Variants in MYO5B observed in about 807,000 individuals in gnomAD.
The protein encoded by MYO5B is unconventional myosin-Vb.
In MYO5B, 143 loss-of-function variants were observed where a neutral mutation model predicts 229.3. The observed-to-expected ratio is 0.62, with a 90% CI of 0.54 to 0.72. MYO5B has a LOEUF of 0.72. Ranked by LOEUF, MYO5B falls within the 30% of genes least tolerant of loss-of-function variation. MYO5B has a pLI of 0.00. For synonymous variants in MYO5B, 918 were observed against 885.2 expected (o/e 1.04, Z -0.66); for missense variants, 2,321 against 2,331.0 (o/e 1.00, Z 0.09).
In MYO5B at chr18:50,117,581, T is replaced by G. The variant is rs192887458; in HGVS notation, c.28-62203A>C. Among the ~76,000 whole-genome samples, 510 of 152,128 alleles carry G rather than the reference T, an allele frequency of 3.4e-3. 5 individuals are homozygous for G. Among genetic ancestry groups the G allele is most frequent in the African/African-American group, 0.012 (485 of 41,492 alleles). ...CTTGTAACTTACAAAATGGGAGAAT[T>G]AGAATACCTACTTGTTCCTTAAATG... is the stretch of plus-strand genomic sequence containing the variant. On this transcript the variant is annotated intron_variant, in intron 1 of 39. Coordinates refer to ENST00000285039, the MANE Select transcript of MYO5B (RefSeq NM_001080467.3).
intron 1 of MYO5B, among the ~76,000 whole-genome samples, chr18:50,172,632 A>C (rs2032936100): frequency 6.6e-6 from 1 of 152,224 alleles, no homozygotes; most frequent in Non-Finnish European, 1.5e-5. Flanking sequence ...TCACTCATTT[A>C]TTTTAAATAT....
At chr18:49,855,344 G>A (rs1039121037) in intron 30 of MYO5B, among the ~76,000 whole-genome samples, 1 of 152,166 alleles carries the variant, frequency 6.6e-6, no homozygotes, top group African/African-American at 2.4e-5. Flanking sequence ...AAAGAGCTTT[G>A]AGGCCACGAC....
chr18:49,996,356 T>C (rs774370586), intron 5 of MYO5B, among the ~76,000 whole-genome samples: 4 of 152,172 alleles, frequency 2.6e-5, no homozygotes, highest in Non-Finnish European at 5.9e-5. Context: ...ATAATTCAAG[T>C]AGGCAAGAAT....
chr18:49,927,127 T>C (rs139081298), intron 17 of MYO5B, among the ~76,000 whole-genome samples: 2 of 152,254 alleles, frequency 1.3e-5, no homozygotes, highest in East Asian at 3.9e-4. Context: ...TTAATACCAC[T>C]AAACTGTACA....
intron 14 of MYO5B, among the ~76,000 whole-genome samples, chr18:49,946,684 T>C (rs1041767589): frequency 3.6e-5 from 5 of 139,938 alleles, no homozygotes; most frequent in African/African-American, 1.4e-4. Context: ...ATCAACATAA[T>C]CAAGGTTTAG....
chr18:50,184,981 G>A (rs1281107156), intron 1 of MYO5B, among the ~76,000 whole-genome samples: 5 of 151,878 alleles, frequency 3.3e-5, no homozygotes, highest in African/African-American at 1.2e-4. Context: ...AGGCTGAGGT[G>A]GGAGGATTGC....
intron 4 of MYO5B, among the ~76,000 whole-genome samples, chr18:50,027,250 C>A (rs554685108): frequency 6.6e-6 from 1 of 152,224 alleles, no homozygotes; most frequent in Non-Finnish European, 1.5e-5. Flanking sequence ...ATTATTAATT[C>A]CAAAAGAAAT....
chr18:50,055,924 T>C (rs2030538502), intron 1 of MYO5B, among the ~76,000 whole-genome samples: 1 of 152,142 alleles, frequency 6.6e-6, no homozygotes, highest in African/African-American at 2.4e-5. Context: ...CTGTCCACTC[T>C]TTTTCTTTTT....
chr18:50,040,477 T>A (rs2029980797), intron 2 of MYO5B, among the ~76,000 whole-genome samples, 163 bp from the exon 3 acceptor site: 1 of 152,192 alleles, frequency 6.6e-6, no homozygotes, highest in South Asian at 2.1e-4. Context: ...TGTGTTGCCA[T>A]GAGAGACCAG....
At chr18:49,870,062 A>T (rs1017613964) in intron 27 of MYO5B, among the ~76,000 whole-genome samples, 1 of 152,194 alleles carries the variant, frequency 6.6e-6, no homozygotes, top group Admixed American at 6.5e-5. Flanking sequence ...GCAGGCATTT[A>T]TCCCACTGAA....
intron 1 of MYO5B, among the ~76,000 whole-genome samples, chr18:50,105,368 T>C (rs1261618148): frequency 6.6e-6 from 1 of 152,086 alleles, no homozygotes; most frequent in Non-Finnish European, 1.5e-5. Flanking sequence ...AGGATGTCAT[T>C]ACCATCTGGA....
intron 3 of MYO5B, among the ~76,000 whole-genome samples, chr18:50,039,308 G>A (rs955584377): frequency 6.6e-6 from 1 of 152,132 alleles, no homozygotes; most frequent in Admixed American, 6.5e-5. Context: ...ATATAGGAAA[G>A]GAGAAGTTTA....
chr18:49,852,147 T>C (rs1267103738), intron 31 of MYO5B, among the ~76,000 whole-genome samples: 5 of 152,244 alleles, frequency 3.3e-5, no homozygotes, highest in Non-Finnish European at 7.3e-5. Flanking sequence ...TTCCAGTCAC[T>C]AACTCTCCTA....
Position 49,978,706 on chromosome 18 carries a change from C to T in MYO5B, c.1056+1738G>A, listed in dbSNP as rs1598927335. Among the ~76,000 whole-genome samples, 3 of 32,276 alleles carry T rather than the reference C, an allele frequency of 9.3e-5. No individual in the cohort carries two copies. In the South Asian group the frequency reaches 3.5e-3, roughly 38 times the overall value. The allele number at this position is 32,276 out of a possible 152,430, so 21.2% of individuals were successfully genotyped here. A position where few individuals can be genotyped will look rare whatever the true frequency, so the allele number is the denominator to read the frequency against. ...AGGCAGCAAGTAATACACACACACACACACACACACACACACACACACACA... is the reference window on the plus strand; with the variant it reads ...AGGCAGCAAGTAATACACACACACATACACACACACACACACACACACACA... On this transcript the variant is annotated intron_variant, in intron 9 of 39. Coordinates refer to ENST00000285039, the MANE Select transcript of MYO5B (RefSeq NM_001080467.3).
chr18:50,135,266 G>T (rs1312331068), intron 1 of MYO5B, among the ~76,000 whole-genome samples: 1 of 152,184 alleles, frequency 6.6e-6, no homozygotes, highest in East Asian at 1.9e-4. Context: ...CTTCAAGAAA[G>T]CCTGCTTGCT....
intron 1 of MYO5B, among the ~76,000 whole-genome samples, chr18:50,160,557 G>C (rs2032750007): frequency 6.6e-6 from 1 of 152,160 alleles, no homozygotes; most frequent in Non-Finnish European, 1.5e-5. Flanking sequence ...TGTTCCTGGG[G>C]ACAAGCCACA....
Position 49,849,741 on chromosome 18 carries a change from G to A in MYO5B, c.4222-81C>T, listed in dbSNP as rs868451812. 24 of 1,096,978 alleles carry A rather than the reference G, an allele frequency of 2.2e-5. No individual in the cohort carries two copies. The African/African-American group carries it at 3.2e-4, about 15-fold the overall frequency. The allele number at this position is 1,096,978 out of a possible 1,614,324, so 68.0% of individuals were successfully genotyped here. On this transcript the variant is annotated intron_variant, in intron 31 of 39. Coordinates refer to ENST00000285039, the MANE Select transcript of MYO5B (RefSeq NM_001080467.3). Reference sequence around the variant, plus strand: ...GGGTAAAATCCTGCTTGCAGTTGGAGGTGACCAGTGCGGCCCATGGGCAGC... The same window carrying A: ...GGGTAAAATCCTGCTTGCAGTTGGAAGTGACCAGTGCGGCCCATGGGCAGC...
intron 1 of MYO5B, among the ~76,000 whole-genome samples, chr18:50,187,974 C>T (rs565696558): frequency 5.9e-5 from 9 of 152,238 alleles, no homozygotes; most frequent in South Asian, 2.1e-4. Flanking sequence ...GGTAAAATTC[C>T]GGTGAGCTTT....
At position 49,864,203 on chromosome 18, in the gene MYO5B, C is replaced by A. The variant is rs372107755; in HGVS notation, c.3781G>T (p.Val1261Leu). The change falls in exon 28 of 40, where the codon GTG becomes TTG. Residue 1261 changes from valine (V) to leucine (L), a missense_variant. Coordinates refer to ENST00000285039, the MANE Select transcript of MYO5B (RefSeq NM_001080467.3). Reference protein sequence around the residue: ...HEELEVRKEEVLILRTQIVSA... With the variant: ...HEELEVRKEELLILRTQIVSA... ...ACGATCTGGGTCCTGAGGATGAGCACCTCCTCCTTGCGCACCTCGAGCTCC... is the reference window on the plus strand; with the variant it reads ...ACGATCTGGGTCCTGAGGATGAGCAACTCCTCCTTGCGCACCTCGAGCTCC... 9 of 1,613,420 alleles carry A rather than the reference C, an allele frequency of 5.6e-6. No individual in the cohort carries two copies. The African/African-American group carries it at 9.3e-5, about 17-fold the overall frequency.
Sources: allele counts gnomAD v4.1 joint callset (sites outside exome capture counted in the v4.1 genomes callset), GRCh38; gene constraint gnomAD v4.1.1; transcripts MANE v1.5; gene names NCBI Gene and HGNC (gene_info 2026-07-23, HGNC 2026-07-21).